PPCDC: variants seen among roughly 807,000 people sequenced by gnomAD.
PPCDC encodes phosphopantothenoylcysteine decarboxylase.
In PPCDC, 20 loss-of-function variants were observed where a neutral mutation model predicts 20.7. That is an observed-to-expected ratio of 0.97 (90% confidence interval 0.68 to 1.41). The LOEUF (loss-of-function observed/expected upper bound fraction) is 1.41, where lower values mean the gene tolerates loss of function less well. Among genes scored for constraint, PPCDC ranks in the 40% most tolerant of loss-of-function variants. PPCDC has a pLI of 0.00. For synonymous variants in PPCDC, 88 were observed against 100.3 expected, an observed-to-expected ratio of 0.88 and a Z score of 0.73; for missense variants, 246 against 263.8, an observed-to-expected ratio of 0.93 and a Z score of 0.47.
At chr15:75,042,994 G>C (rs1337069415) in intron 2 of PPCDC, among the ~76,000 whole-genome samples, 2 of 152,208 alleles carry the variant, frequency 1.3e-5, no homozygotes, top group Non-Finnish European at 2.9e-5. Context: ...AGCCCCCAGC[G>C]CCTTGGCCTG....
chr15:75,038,635 G>A (rs142969438), intron 2 of PPCDC, among the ~76,000 whole-genome samples: 26 of 152,252 alleles, frequency 1.7e-4, no homozygotes, highest in African/African-American at 5.5e-4. Context: ...TAGACATGAC[G>A]CTCTAATTTC....
chr15:75,024,232 C>T lies in PPCDC; in HGVS notation c.-73+606C>T, dbSNP rs1264810163. ...GTGGTTGTCCTGGAGCAGGGGTTTCCACATCTCTCACAGTGGCTGGGAAGT... is the reference window on the plus strand; with the variant it reads ...GTGGTTGTCCTGGAGCAGGGGTTTCTACATCTCTCACAGTGGCTGGGAAGT... On this transcript the variant is annotated intron_variant, in intron 1 of 5. Coordinates refer to ENST00000342932, the MANE Select transcript of PPCDC (RefSeq NM_021823.5). 2.6e-5 allele frequency among the ~76,000 whole-genome samples: 4 copies of T among 152,288 alleles called. No homozygotes were observed. In the South Asian group the frequency reaches 8.3e-4, roughly 32 times the overall value.
intron 2 of PPCDC, among the ~76,000 whole-genome samples, chr15:75,031,133 A>G (rs980968638): frequency 6.6e-6 from 1 of 152,148 alleles, no homozygotes; most frequent in African/African-American, 2.4e-5. Flanking sequence ...AGGTTCTCAA[A>G]TGATCCATCT....
rs144372378 is a variant in PPCDC, at chr15:75,049,512, G to T, written c.*277G>T. The T allele has an allele frequency of 5.0e-5, 21 of 419,026 alleles. No individual in the cohort carries two copies. The highest frequency in any genetic ancestry group is 4.3e-4 in the African/African-American group (21 of 49,346). 26.0% of individuals were successfully genotyped at this position (419,026 alleles called of 1,614,324 possible). On this transcript the variant is annotated 3_prime_UTR_variant, in exon 6 of 6. Coordinates refer to ENST00000342932, the MANE Select transcript of PPCDC (RefSeq NM_021823.5). ...GAGAGCAAGCAGTGTTGTCCTCACG[G>T]GAGGAGGACTGAGCGACTGGGAAAA...
intron 2 of PPCDC, 123 bp from the exon 3 acceptor site, chr15:75,043,318 C>T: frequency 1.3e-6 from 1 of 749,444 alleles, no homozygotes; most frequent in Non-Finnish European, 2.2e-6. Flanking sequence ...GAGGGAAGTC[C>T]TCTCTCAAGC....
intron 2 of PPCDC, among the ~76,000 whole-genome samples, chr15:75,030,739 G>A (rs1295060350): frequency 2.0e-5 from 3 of 152,118 alleles, no homozygotes; most frequent in Non-Finnish European, 4.4e-5. Context: ...AAGGCTTTCC[G>A]GAACTTCCTT....
rs146225663 is a variant in PPCDC at position 75,027,004 on chromosome 15, T to C, written c.-72-1243T>C. 8.5e-5 allele frequency among the ~76,000 whole-genome samples: 13 copies of C among 152,204 alleles called. No homozygotes were observed. The East Asian group carries it at 2.5e-3, about 29-fold the overall frequency. On this transcript the variant is annotated intron_variant, in intron 1 of 5. Coordinates refer to ENST00000342932, the MANE Select transcript of PPCDC (RefSeq NM_021823.5). ...CACACTGCCTTGGAGGGTATAGTTA[T>C]TCATTCAGCACCTGTTCAGGACTGC...
At chr15:75,028,541 A>G in intron 2 of PPCDC, 88 bp downstream of exon 2, 2 of 1,547,938 alleles carry the variant, frequency 1.3e-6, no homozygotes, top group South Asian at 2.3e-5. Context: ...CAGTACATGC[A>G]ATTTTCTTTT....
chr15:75,047,582 GC>G (rs2066254216), intron 4 of PPCDC, among the ~76,000 whole-genome samples: 1 of 152,168 alleles, frequency 6.6e-6, no homozygotes, highest in Admixed American at 6.5e-5. Context: ...CCCCCAGGCG[GC>G]CCCCAGCCCA....
At chr15:75,027,584 C>T (rs2065972714) in intron 1 of PPCDC, among the ~76,000 whole-genome samples, 2 of 152,160 alleles carry the variant, frequency 1.3e-5, no homozygotes, top group African/African-American at 2.4e-5. Flanking sequence ...ACCTCATGAG[C>T]ATCTTTGGAA....
At position 75,049,278 on chromosome 15, in the gene PPCDC, G is replaced by C; in HGVS notation, c.*43G>C. On this transcript the variant is annotated 3_prime_UTR_variant, in exon 6 of 6. Transcript: ENST00000342932. Reference sequence around the variant, plus strand: ...GGGTGTCCCTCTGTACTCAGAATGGGTTCAGGCCAAGTCGGTGAAGATGGA... The same window carrying C: ...GGGTGTCCCTCTGTACTCAGAATGGCTTCAGGCCAAGTCGGTGAAGATGGA... 6.3e-7 allele frequency: 1 copy of C among 1,580,662 alleles called. No individual in the cohort carries two copies. Among genetic ancestry groups the C allele is most frequent in the Non-Finnish European group, 8.7e-7 (1 of 1,150,308 alleles).
At chr15:75,032,293 C>T (rs1188887757) in intron 2 of PPCDC, among the ~76,000 whole-genome samples, 2 of 152,128 alleles carry the variant, frequency 1.3e-5, no homozygotes, top group Non-Finnish European at 2.9e-5. Context: ...CAGCAGGCCT[C>T]GGGCTCAGAG....
In PPCDC at chr15:75,044,466, T is replaced by C; in HGVS notation, c.312T>C (p.Asp104=). The change falls in exon 4 of 6, where the codon GAT becomes GAC. Residue 104 remains aspartate, a synonymous_variant. Coordinates refer to ENST00000342932, the MANE Select transcript of PPCDC (RefSeq NM_021823.5). ...WADLLLVAPL[D]ANTLGKVASG... The stretch of plus-strand genomic sequence containing the variant: ...ACCTCCTGCTGGTGGCTCCTCTTGA[T>C]GCCAACACTCTGGGGAAGGTGGCCA... The C allele has an allele frequency of 6.2e-7, 1 of 1,614,206 alleles. No homozygotes were observed. Among genetic ancestry groups the C allele is most frequent in the South Asian group, 1.1e-5 (1 of 91,086 alleles).
At chr15:75,043,790 C>T (rs1332107749) in intron 3 of PPCDC, 2 of 477,040 alleles carry the variant, frequency 4.2e-6, no homozygotes, top group Admixed American at 3.7e-5. Flanking sequence ...TTGTACTTAT[C>T]TGGGCTGATG....
At chr15:75,030,431 T>C (rs1005492602) in intron 2 of PPCDC, among the ~76,000 whole-genome samples, 1 of 152,220 alleles carries the variant, frequency 6.6e-6, no homozygotes, top group Non-Finnish European at 1.5e-5. Context: ...GGAAGAGCCA[T>C]GGAAGCCACA....
intron 2 of PPCDC, among the ~76,000 whole-genome samples, chr15:75,034,545 A>G (rs753996893): frequency 6.6e-6 from 1 of 152,160 alleles, no homozygotes; most frequent in African/African-American, 2.4e-5. Flanking sequence ...CCCGCGCCTC[A>G]TGTGCCAACC....
In PPCDC at chr15:75,043,454, T is replaced by G. The variant is rs774177583; in HGVS notation, c.149T>G (p.Val50Gly). ...LLDIPGLEVA[V>G]VTTERAKHFY... ...TCTTGGTGACAGCTGGAAGTAGCAG[T>G]GGTCACAACTGAGAGAGCCAAACAT... Residue 50 changes from valine to glycine, a missense_variant, in exon 3 of 6, where the codon GTG becomes GGG. By Grantham distance (109) the Val-to-Gly change is moderately radical (BLOSUM62 -3). This residue lies in a region of PPCDC where 225 missense variants were observed against 222.6 expected (regional missense o/e 1.01). Coordinates refer to ENST00000342932, the MANE Select transcript of PPCDC (RefSeq NM_021823.5). 35 of 1,611,976 alleles carry G rather than the reference T, an allele frequency of 2.2e-5. No homozygotes were observed. Among genetic ancestry groups the G allele is most frequent in the Non-Finnish European group, 2.9e-5 (34 of 1,179,076 alleles).
At chr15:75,029,416 A>G (rs1455371181) in intron 2 of PPCDC, among the ~76,000 whole-genome samples, 3 of 152,152 alleles carry the variant, frequency 2.0e-5, no homozygotes, top group Non-Finnish European at 4.4e-5. Context: ...TCTTGTTATC[A>G]GCTGAGCACC....
At chr15:75,035,131 A>C (rs2066069710) in intron 2 of PPCDC, among the ~76,000 whole-genome samples, 1 of 152,162 alleles carries the variant, frequency 6.6e-6, no homozygotes, top group Non-Finnish European at 1.5e-5. Flanking sequence ...CGGCACAGGT[A>C]GGGCCGTTCC....
Sources: gnomAD v4.1 joint callset for allele counts (sites outside exome capture counted in the v4.1 genomes callset) on GRCh38, gnomAD v4.1.1 for gene constraint, gnomAD v4.1.1 regional missense constraint, MANE v1.5 for transcripts, NCBI Gene and HGNC (gene_info 2026-07-23, HGNC 2026-07-21) for gene names.